Variants in ZNF107 observed in about 807,000 individuals in gnomAD.
The protein encoded by ZNF107 is zinc finger protein 107, also known as C2H2 type zinc-finger protein.
Under a neutral mutation model 12.3 loss-of-function variants are expected in ZNF107, and 19 were observed. The ratio of observed to expected loss-of-function variants is 1.55; its 90% CI spans 1.08 to 2.27. ZNF107 has a LOEUF of 2.27. ZNF107 is among the 30% of genes most tolerant of loss of function. The pLI is 0.00. For synonymous variants in ZNF107, 317 were observed against 330.5 expected (o/e 0.96, Z 0.44); for missense variants, 958 against 979.9 (o/e 0.98, Z 0.30).
At chr7:64,695,290 T>A (rs1422026546) in intron 3 of ZNF107, among the ~76,000 whole-genome samples, 2 of 152,180 alleles carry the variant, frequency 1.3e-5, no homozygotes, top group Non-Finnish European at 2.9e-5. Flanking sequence ...CTTCTATTTA[T>A]GATTATACTG....
In ZNF107 at chr7:64,682,090, C is replaced by G. The variant is rs183192622; in HGVS notation, c.4-9158C>G. On this transcript the variant is annotated intron_variant, in intron 1 of 3. Transcript: ENST00000620827. ...GCGACCTACTCTCTTTTCAGCCTTC[C>G]TTTTCCTACCTCATCCAGTATGTCG... Among the ~76,000 whole-genome samples the G allele has an allele frequency of 1.6e-4, 21 of 127,352 alleles. No homozygotes were observed. The Admixed American group carries it at 1.8e-3, about 11-fold the overall frequency. The allele number at this position is 127,352 out of a possible 152,430, so 83.5% of individuals were successfully genotyped here. A position where few individuals can be genotyped will look rare whatever the true frequency, so the allele number is the denominator to read the frequency against.
rs895873575 is a variant in ZNF107 at position 64,705,860 on chromosome 7, C to T, written c.227-464C>T. Among the ~76,000 whole-genome samples the T allele has an allele frequency of 1.7e-4, 26 of 152,052 alleles. 1 individual carries two copies. The highest frequency in any genetic ancestry group is 6.3e-4 in the African/African-American group (26 of 41,486). ...CAAAATGTCATTCCAAAGTATACCACCATTTCTTTCAGCCCTCTATGTCAT... is the reference window on the plus strand; with the variant it reads ...CAAAATGTCATTCCAAAGTATACCATCATTTCTTTCAGCCCTCTATGTCAT... On this transcript the variant is annotated intron_variant, in intron 3 of 3. Transcript: ENST00000620827.
chr7:64,670,519 C>T (rs887021436), intron 1 of ZNF107, among the ~76,000 whole-genome samples: 2 of 152,040 alleles, frequency 1.3e-5, no homozygotes, highest in African/African-American at 4.8e-5. Flanking sequence ...TTTCTTTTGA[C>T]CACTGAAGAA....
Position 64,706,354 on chromosome 7 carries a change from G to A in ZNF107, c.257G>A (p.Trp86Ter), listed in dbSNP as rs1790640245. 5.7e-6 allele frequency: 9 copies of A among 1,587,038 alleles called. 1 individual carries two copies. The South Asian group carries it at 6.9e-5, about 12-fold the overall frequency. ...VMSFHFAQDL[W>*]PEQNIKDSFQ... ...TCTTTTCATTTTGCCCAAGACCTTTGGCCAGAGCAGAACATAAAAGATTCT... is the reference window on the plus strand; with the variant it reads ...TCTTTTCATTTTGCCCAAGACCTTTAGCCAGAGCAGAACATAAAAGATTCT... The change falls in exon 4 of 4, where the codon TGG (tryptophan) becomes TAG (stop). Residue 86 changes from tryptophan to a stop codon, truncating the protein, a stop_gained. Transcript: ENST00000620827. LOFTEE classifies it low-confidence loss of function (END_TRUNC).
chr7:64,667,017 G>A (rs1789032227), intron 1 of ZNF107, among the ~76,000 whole-genome samples: 1 of 149,296 alleles, frequency 6.7e-6, no homozygotes, highest in Admixed American at 6.7e-5. Flanking sequence ...CAAAAAAAAA[G>A]CATTTGAGTT....
chr7:64,686,098 C>T (rs1412133626), intron 1 of ZNF107, among the ~76,000 whole-genome samples: 1 of 152,118 alleles, frequency 6.6e-6, no homozygotes, highest in East Asian at 1.9e-4. Context: ...GCAGAACCAC[C>T]GTGGCTTAGA....
At position 64,708,943 on chromosome 7, in the gene ZNF107, ATAC is replaced by A. The variant is rs1168885465; in HGVS notation, c.*289_*291del. The stretch of plus-strand genomic sequence containing the variant: ...ACTTTTACTAAACATAAGGTAATTC[ATAC>A]TGGAGAAAAGCCATACAAATGAGAA... On this transcript the variant is annotated 3_prime_UTR_variant, in exon 4 of 4. Coordinates refer to ENST00000620827, the MANE Select transcript of ZNF107 (RefSeq NM_001282359.2). 1.9e-6 allele frequency: 1 copy of A among 518,558 alleles called. No individual in the cohort carries two copies. Among genetic ancestry groups the A allele is most frequent in the African/African-American group, 1.9e-5 (1 of 52,020 alleles). 32.1% of individuals were successfully genotyped at this position (518,558 alleles called of 1,614,324 possible). A position where few individuals can be genotyped will look rare whatever the true frequency, so the allele number is the denominator to read the frequency against.
intron 3 of ZNF107, among the ~76,000 whole-genome samples, chr7:64,702,786 C>T (rs1790519818): frequency 6.6e-6 from 1 of 151,890 alleles, no homozygotes; most frequent in African/African-American, 2.4e-5. Context: ...CGAACTCTCC[C>T]GACCTCAGGT....
chr7:64,692,172 A>G (rs569040309), intron 3 of ZNF107, among the ~76,000 whole-genome samples: 1 of 152,248 alleles, frequency 6.6e-6, no homozygotes, highest in East Asian at 1.9e-4. Flanking sequence ...CCCTTCAGTG[A>G]TCTTTCTTCA....
rs756791501 is a variant in ZNF107, at chr7:64,706,599, A to G, written c.502A>G (p.Thr168Ala). ...TTCAAATAGATATAAGAGAAGACATACAGGAAACAAACACTTCAAATGTAA... is the reference window on the plus strand; with the variant it reads ...TTCAAATAGATATAAGAGAAGACATGCAGGAAACAAACACTTCAAATGTAA... Reference protein sequence around the residue: ...SNSNRYKRRHTGNKHFKCKEC... With the variant: ...SNSNRYKRRHAGNKHFKCKEC... The change falls in exon 4 of 4, where the codon ACA becomes GCA. Residue 168 changes from threonine to alanine, a missense_variant. By Grantham distance (58) the Thr-to-Ala change is moderately conservative. Transcript: ENST00000620827. 4 of 1,612,892 alleles carry G rather than the reference A, an allele frequency of 2.5e-6. No individual in the cohort carries two copies. Among genetic ancestry groups the G allele is most frequent in the Non-Finnish European group, 2.5e-6 (3 of 1,179,542 alleles).
At chr7:64,684,422 G>A (rs1455829302) in intron 1 of ZNF107, among the ~76,000 whole-genome samples, 2 of 152,036 alleles carry the variant, frequency 1.3e-5, no homozygotes, top group Non-Finnish European at 2.9e-5. Context: ...CAGTGGACAG[G>A]ACCCTTCCTG....
At position 64,691,907 on chromosome 7, in the gene ZNF107, A is replaced by G. The variant is rs377379477; in HGVS notation, c.173A>G (p.Gln58Arg). ...CCATATCTGATCACCTGTCTGGAGC[A>G]AAAAAAAGAGCCCTGGAATATAAAA... ...SKPYLITCLEQKKEPWNIKRH... is the reference protein window; with the variant it reads ...SKPYLITCLERKKEPWNIKRH... The change falls in exon 3 of 4, where the codon CAA (glutamine) becomes CGA (arginine). Residue 58 changes from glutamine (Q) to arginine (R), a missense_variant. Gln to Arg is a conservative substitution (Grantham distance 43, BLOSUM62 1). Transcript: ENST00000620827. 3 of 1,485,526 alleles carry G rather than the reference A, an allele frequency of 2.0e-6. No individual in the cohort carries two copies. The highest frequency in any genetic ancestry group is 2.7e-6 in the Non-Finnish European group (3 of 1,118,374). 92.0% of individuals were successfully genotyped at this position (1,485,526 alleles called of 1,614,324 possible). A position where few individuals can be genotyped will look rare whatever the true frequency, so the allele number is the denominator to read the frequency against.
chr7:64,675,208 C>T (rs1789374917), intron 1 of ZNF107, among the ~76,000 whole-genome samples: 1 of 152,078 alleles, frequency 6.6e-6, no homozygotes, highest in East Asian at 1.9e-4. Flanking sequence ...TGGTAAAATT[C>T]AGCTGTAAAT....
At chr7:64,704,627 T>C (rs1313149983) in intron 3 of ZNF107, among the ~76,000 whole-genome samples, 1 of 152,164 alleles carries the variant, frequency 6.6e-6, no homozygotes, top group Non-Finnish European at 1.5e-5. Flanking sequence ...TCAGTATCTT[T>C]GATATGTAGG....
chr7:64,703,791 ATCT>A lies in ZNF107; in HGVS notation c.227-2529_227-2527del, dbSNP rs1790551205. ...AGTGAATTATATATATATTTAAATA[ATCT>A]TCTGAAACAGAAAGACTTGCTAACG... On this transcript the variant is annotated intron_variant, in intron 3 of 3. Transcript: ENST00000620827. Among the ~76,000 whole-genome samples, 14 of 152,212 alleles carry A rather than the reference ATCT, an allele frequency of 9.2e-5. No homozygotes were observed. The South Asian group carries it at 2.9e-3, about 32-fold the overall frequency.
At chr7:64,701,344 C>A (rs1411241773) in intron 3 of ZNF107, among the ~76,000 whole-genome samples, 1 of 151,754 alleles carries the variant, frequency 6.6e-6, no homozygotes, top group Non-Finnish European at 1.5e-5. Flanking sequence ...CTCACTGCAA[C>A]CCCTGCCTCC....
intron 1 of ZNF107, among the ~76,000 whole-genome samples, chr7:64,686,263 T>G (rs1789905259): frequency 6.6e-6 from 1 of 152,164 alleles, no homozygotes; most frequent in African/African-American, 2.4e-5. Flanking sequence ...ACACCAATCT[T>G]TGGAGCTGGG....
At chr7:64,687,692 C>A in intron 1 of ZNF107, 1 of 467,054 alleles carries the variant, frequency 2.1e-6, no homozygotes, top group Non-Finnish European at 2.8e-6. Context: ...CTATGTATGA[C>A]ATGTGCTGTA....
chr7:64,689,914 T>A (rs1421813334), intron 1 of ZNF107: 1 of 152,162 alleles, frequency 6.6e-6, no homozygotes, highest in Admixed American at 6.5e-5. Flanking sequence ...AGTTTCCTGA[T>A]AGTTGGATGA....
Sources: allele counts gnomAD v4.1 joint callset (sites outside exome capture counted in the v4.1 genomes callset), GRCh38; gene constraint gnomAD v4.1.1; transcripts MANE v1.5; gene names NCBI Gene and HGNC (gene_info 2026-07-23, HGNC 2026-07-21).